The following CREBRF variants were observed in gnomAD, a reference collection of about 807,000 sequenced individuals.
CREBRF encodes the protein UPF0474 protein C5orf41.
Under a neutral mutation model 66.1 loss-of-function variants are expected in CREBRF, and 5 were observed. That is an observed-to-expected ratio of 0.08 (90% confidence interval 0.04 to 0.16). The LOEUF (loss-of-function observed/expected upper bound fraction) is 0.16, where lower values mean the gene tolerates loss of function less well. Ranked by LOEUF, CREBRF falls within the 10% of genes least tolerant of loss-of-function variation. CREBRF has a pLI of 1.00. For synonymous variants in CREBRF, 229 were observed against 264.4 expected (o/e 0.87, Z 1.30); for missense variants, 531 against 744.9 (o/e 0.71, Z 3.34).
chr5:173,126,497 A>G (rs1424101218), intron 8 of CREBRF, among the ~76,000 whole-genome samples: 2 of 151,960 alleles, frequency 1.3e-5, no homozygotes, highest in East Asian at 1.9e-4. Context: ...TGGCTGGTCC[A>G]TTTTCAGAGT....
rs1254433049 is a variant in CREBRF at position 173,085,222 on chromosome 5, C to G, written c.10-1279C>G. The G allele has an allele frequency of 1.2e-5, 5 of 415,228 alleles. No individual in the cohort carries two copies. In the East Asian group the frequency reaches 1.3e-4, roughly 11 times the overall value. The allele number at this position is 415,228 out of a possible 1,614,324, so 25.7% of individuals were successfully genotyped here. A position where few individuals can be genotyped will look rare whatever the true frequency, so the allele number is the denominator to read the frequency against. On this transcript the variant is annotated intron_variant, in intron 2 of 8. Transcript: ENST00000296953. ...CTTCCCAAAATGCTGGGATTACAGG[C>G]TTGAGTCACTGCCCCCAGCCTGAAT...
intron 7 of CREBRF, among the ~76,000 whole-genome samples, chr5:173,113,462 C>T (rs2113777855): frequency 1.3e-5 from 2 of 152,222 alleles, no homozygotes; most frequent in Admixed American, 1.3e-4. Context: ...GCCCACGCAC[C>T]ACACCTTGCT....
intron 8 of CREBRF, among the ~76,000 whole-genome samples, chr5:173,130,785 C>T (rs940292050): frequency 1.3e-5 from 2 of 152,170 alleles, no homozygotes; most frequent in African/African-American, 4.8e-5. Context: ...TCTTGGCTCA[C>T]TGCAACCTCT....
At chr5:173,075,008 A>T (rs941367067) in intron 1 of CREBRF, among the ~76,000 whole-genome samples, 2 of 152,220 alleles carry the variant, frequency 1.3e-5, no homozygotes, top group African/African-American at 4.8e-5. Flanking sequence ...GTGGTATGGC[A>T]AAAGGATCAC....
intron 7 of CREBRF, among the ~76,000 whole-genome samples, chr5:173,113,916 G>C (rs1284300184): frequency 6.6e-6 from 1 of 152,204 alleles, no homozygotes; most frequent in Non-Finnish European, 1.5e-5. Flanking sequence ...TGTTATAAGA[G>C]TGTATTCCTT....
At chr5:173,087,370 A>G (rs2113728111) in intron 3 of CREBRF, among the ~76,000 whole-genome samples, 1 of 152,110 alleles carries the variant, frequency 6.6e-6, no homozygotes, top group South Asian at 2.1e-4. Context: ...GGCATGAGCC[A>G]TCGCACCTGG....
chr5:173,079,896 C>G (rs570763363), intron 1 of CREBRF, among the ~76,000 whole-genome samples: 86 of 152,294 alleles, frequency 5.6e-4, no homozygotes, highest in Non-Finnish European at 1.0e-3. Context: ...TGTACCCTGT[C>G]AAAATCCTGT....
chr5:173,059,226 G>A (rs1389972416), intron 1 of CREBRF, among the ~76,000 whole-genome samples: 1 of 148,320 alleles, frequency 6.7e-6, no homozygotes, highest in Non-Finnish European at 1.5e-5. Flanking sequence ...GTAAATAAGG[G>A]TATTAGCTTA....
Position 173,137,447 on chromosome 5 carries a change from T to C in CREBRF, c.*3702T>C, listed in dbSNP as rs1232797648. The C allele has an allele frequency of 1.3e-5, 2 of 152,090 alleles. No individual in the cohort carries two copies. Among genetic ancestry groups the C allele is most frequent in the Non-Finnish European group, 2.9e-5 (2 of 67,966 alleles). The allele number at this position is 152,090 out of a possible 1,614,324, so 9.4% of individuals were successfully genotyped here. On this transcript the variant is annotated 3_prime_UTR_variant, in exon 9 of 9. Transcript: ENST00000296953. ...TCACTACATCCCTTTTCTCTGACTT[T>C]CATGCATTTCTCATACATCTTCTTT... is the stretch of plus-strand genomic sequence containing the variant.
At chr5:173,081,154 GAAGT>G (rs950776461) in intron 2 of CREBRF, among the ~76,000 whole-genome samples, 7 of 152,116 alleles carry the variant, frequency 4.6e-5, no homozygotes, top group Admixed American at 2.6e-4. Flanking sequence ...GCTGAATTTA[GAAGT>G]AATTAAGAGG....
chr5:173,069,796 T>G (rs1757545109), intron 1 of CREBRF, among the ~76,000 whole-genome samples: 1 of 152,132 alleles, frequency 6.6e-6, no homozygotes, highest in Non-Finnish European at 1.5e-5. Flanking sequence ...TTATGTAGTT[T>G]ATGCTGGTGG....
chr5:173,105,237 G>C (rs1485636172), intron 4 of CREBRF, among the ~76,000 whole-genome samples: 1 of 151,904 alleles, frequency 6.6e-6, no homozygotes, highest in African/African-American at 2.4e-5. Context: ...GTGTGTGTGT[G>C]TGTGTGTGTG....
At chr5:173,116,271 T>C (rs746287916) in intron 7 of CREBRF, among the ~76,000 whole-genome samples, 1 of 152,206 alleles carries the variant, frequency 6.6e-6, no homozygotes, top group Non-Finnish European at 1.5e-5. Flanking sequence ...ACCTACACAT[T>C]GAAAGAGTAT....
chr5:173,095,183 C>CTTTTTTT (rs34893180), intron 4 of CREBRF, among the ~76,000 whole-genome samples: 19 of 89,594 alleles, frequency 2.1e-4, no homozygotes, highest in African/African-American at 2.5e-4. Flanking sequence ...ATTACTATAG[C>CTTTTTTT]TTTTTTTTTT....
intron 7 of CREBRF, among the ~76,000 whole-genome samples, chr5:173,117,897 G>A (rs1486786282): frequency 7.1e-6 from 1 of 141,522 alleles, no homozygotes; most frequent in East Asian, 2.1e-4. Flanking sequence ...TTTTTGAGAC[G>A]AAGTCTCACT....
chr5:173,071,136 G>A (rs756183230), intron 1 of CREBRF, among the ~76,000 whole-genome samples: 47 of 152,186 alleles, frequency 3.1e-4, no homozygotes, highest in Non-Finnish European at 6.0e-4. Context: ...TAGGGGAAAT[G>A]GTAAAATCAG....
At chr5:173,097,446 T>C (rs1405198692) in intron 4 of CREBRF, among the ~76,000 whole-genome samples, 1 of 152,158 alleles carries the variant, frequency 6.6e-6, no homozygotes, top group Non-Finnish European at 1.5e-5. Context: ...AGTTTCGTCA[T>C]GTTGGCCAGG....
intron 6 of CREBRF, among the ~76,000 whole-genome samples, chr5:173,111,919 T>G (rs1460087254): frequency 6.6e-6 from 1 of 152,274 alleles, no homozygotes; most frequent in Non-Finnish European, 1.5e-5. Context: ...TGTTTGTTTT[T>G]ATTTTTGTTT....
intron 7 of CREBRF, among the ~76,000 whole-genome samples, chr5:173,120,663 G>C (rs548767748): frequency 1.9e-4 from 27 of 139,124 alleles, no homozygotes; most frequent in Admixed American, 1.4e-3. Flanking sequence ...TTACAGATGT[G>C]AGCCACCGTG....
Sources: gnomAD v4.1 joint callset for allele counts (sites outside exome capture counted in the v4.1 genomes callset) on GRCh38, gnomAD v4.1.1 for gene constraint, MANE v1.5 for transcripts, NCBI Gene and HGNC (gene_info 2026-07-23, HGNC 2026-07-21) for gene names.